Variants in RBMS3 observed in about 807,000 individuals in gnomAD.
RBMS3 encodes RNA-binding motif, single-stranded-interacting protein 3.
RBMS3 carries 27 observed loss-of-function variants against 66.8 expected under a neutral mutation model. The ratio of observed to expected loss-of-function variants is 0.40; its 90% CI spans 0.30 to 0.56. The LOEUF (loss-of-function observed/expected upper bound fraction) is 0.56. Among genes scored for constraint, RBMS3 ranks in the 20% least tolerant of loss-of-function variants. RBMS3 has a pLI of 0.40. For missense variants in RBMS3, 513 were observed against 549.5 expected (o/e 0.93, Z 0.66); for synonymous variants, 188 against 183.0 (o/e 1.03, Z -0.22).
chr3:29,709,920 A>G (rs758068532), intron 4 of RBMS3, among the ~76,000 whole-genome samples: 11 of 152,208 alleles, frequency 7.2e-5, no homozygotes, highest in Non-Finnish European at 1.5e-4. Context: ...ATTAAAAGGA[A>G]ATAGAGTAGA....
At chr3:29,982,378 A>G (rs1698055246) in intron 12 of RBMS3, among the ~76,000 whole-genome samples, 2 of 152,092 alleles carry the variant, frequency 1.3e-5, no homozygotes, top group African/African-American at 4.8e-5. Flanking sequence ...TCCTGGATTC[A>G]TTGATTTTTT....
At chr3:29,721,425 A>G (rs528790711) in intron 4 of RBMS3, among the ~76,000 whole-genome samples, 1 of 152,300 alleles carries the variant, frequency 6.6e-6, no homozygotes, top group African/African-American at 2.4e-5. Context: ...ATACTAGGGT[A>G]TAGCAACCTT....
chr3:29,942,625 G>A (rs1046451351), intron 11 of RBMS3, among the ~76,000 whole-genome samples: 1 of 151,796 alleles, frequency 6.6e-6, no homozygotes, highest in Non-Finnish European at 1.5e-5. Flanking sequence ...AGGCTAAAGA[G>A]AAATATAAAA....
chr3:29,530,100 G>C (rs1287791142), intron 3 of RBMS3, among the ~76,000 whole-genome samples: 1 of 152,104 alleles, frequency 6.6e-6, no homozygotes, highest in Non-Finnish European at 1.5e-5. Context: ...CTGGGAACTT[G>C]TTCTTACACC....
intron 4 of RBMS3, among the ~76,000 whole-genome samples, chr3:29,639,185 TA>T (rs1406879851): frequency 3.3e-5 from 5 of 151,830 alleles, no homozygotes; most frequent in Non-Finnish European, 7.4e-5. Flanking sequence ...CGATTTAACT[TA>T]ATCTCTTTCT....
At chr3:29,746,563 C>A (rs549480059) in intron 5 of RBMS3, among the ~76,000 whole-genome samples, 2 of 152,296 alleles carry the variant, frequency 1.3e-5, no homozygotes, top group South Asian at 2.1e-4. Flanking sequence ...GCAGCTTCTT[C>A]ATCTTTGTTC....
chr3:29,571,718 G>C (rs1286061616), intron 3 of RBMS3, among the ~76,000 whole-genome samples: 1 of 152,090 alleles, frequency 6.6e-6, no homozygotes, highest in African/African-American at 2.4e-5. Context: ...GATTTCTTCA[G>C]TTTAGTTCTT....
intron 6 of RBMS3, among the ~76,000 whole-genome samples, chr3:29,781,220 A>G (rs2056622161): frequency 7.1e-6 from 1 of 140,944 alleles, no homozygotes; most frequent in Non-Finnish European, 1.5e-5. Flanking sequence ...CCCACCCTTA[A>G]TCATTGGAAA....
At chr3:29,397,804 C>T (rs1029295421) in intron 1 of RBMS3, among the ~76,000 whole-genome samples, 1 of 152,126 alleles carries the variant, frequency 6.6e-6, no homozygotes, top group African/African-American at 2.4e-5. Flanking sequence ...CTGCCTCAGC[C>T]TCCCGAGCAG....
chr3:29,983,850 C>A (rs773697647), intron 12 of RBMS3, among the ~76,000 whole-genome samples: 1 of 152,046 alleles, frequency 6.6e-6, no homozygotes, highest in Non-Finnish European at 1.5e-5. Flanking sequence ...AACATTTTTT[C>A]TTTCATTTCA....
chr3:29,286,640 G>T (rs1229213851), intron 1 of RBMS3, among the ~76,000 whole-genome samples: 1 of 152,002 alleles, frequency 6.6e-6, no homozygotes, highest in Non-Finnish European at 1.5e-5. Flanking sequence ...GGGATAATTT[G>T]CAGGGAGGGA....
chr3:29,610,248 A>G (rs930801526), intron 4 of RBMS3, among the ~76,000 whole-genome samples: 2 of 152,078 alleles, frequency 1.3e-5, no homozygotes, highest in Non-Finnish European at 2.9e-5. Context: ...TTAATGTACA[A>G]ACATCAGCTA....
At chr3:29,676,502 T>G (rs992119338) in intron 4 of RBMS3, among the ~76,000 whole-genome samples, 7 of 152,250 alleles carry the variant, frequency 4.6e-5, no homozygotes, top group Non-Finnish European at 1.0e-4. Flanking sequence ...CAAATTCAAT[T>G]ATTCATATTA....
chr3:29,797,658 T>C (rs969064898), intron 6 of RBMS3: 1 of 152,212 alleles, frequency 6.6e-6, no homozygotes, highest in African/African-American at 2.4e-5. Context: ...GGCTAATATT[T>C]GCTAGAGGGA....
chr3:29,744,779 G>A (rs1380089216), intron 5 of RBMS3, among the ~76,000 whole-genome samples: 5 of 117,040 alleles, frequency 4.3e-5, no homozygotes, highest in Admixed American at 8.4e-5. Context: ...GTAAGACTCC[G>A]TCTCGGAAAA....
chr3:29,428,262 G>A (rs2041039845), intron 1 of RBMS3, among the ~76,000 whole-genome samples: 1 of 152,110 alleles, frequency 6.6e-6, no homozygotes, highest in South Asian at 2.1e-4. Flanking sequence ...GATATTTTTG[G>A]TTGTCACAAC....
rs541556183 is a variant in RBMS3 at position 29,769,726 on chromosome 3, T to C, written c.637+6737T>C. 7.2e-5 allele frequency among the ~76,000 whole-genome samples: 11 copies of C among 152,034 alleles called. No homozygotes were observed. In the South Asian group the frequency reaches 2.3e-3, roughly 31 times the overall value. On this transcript the variant is annotated intron_variant, in intron 6 of 14. Transcript: ENST00000383767. Reference sequence around the variant, plus strand: ...CTGTACATTCTCACTAAATACTCTTTGGAGTTGTATAGTTTCATGAATTAA... The same window carrying C: ...CTGTACATTCTCACTAAATACTCTTCGGAGTTGTATAGTTTCATGAATTAA...
In RBMS3 at chr3:29,835,726, C is replaced by T. The variant is rs192579712; in HGVS notation, c.638-33132C>T. Among the ~76,000 whole-genome samples the T allele has an allele frequency of 3.4e-3, 518 of 151,592 alleles. 1 individual carries two copies. Among genetic ancestry groups the T allele is most frequent in the Non-Finnish European group, 5.3e-3 (362 of 67,708 alleles). On this transcript the variant is annotated intron_variant, in intron 6 of 14. Coordinates refer to ENST00000383767, the MANE Select transcript of RBMS3 (RefSeq NM_001003793.3). ...ACTTTACATTTCAATGAACTAGAAA[C>T]ATAACAAACTAAGCCCAAATTTAGC... is the stretch of plus-strand genomic sequence containing the variant.
rs2060218567 is a variant in RBMS3 at position 29,900,100 on chromosome 3, C to A, written c.939+345C>A. Among the ~76,000 whole-genome samples, 5 of 151,842 alleles carry A rather than the reference C, an allele frequency of 3.3e-5. No individual in the cohort carries two copies. In the South Asian group the frequency reaches 1.0e-3, roughly 31 times the overall value. On this transcript the variant is annotated intron_variant, in intron 10 of 14. Transcript: ENST00000383767. Reference sequence around the variant, plus strand: ...GAGGAATTTCTGCTTTATGCAGGAACTCAGAACTCCGGACAATTAAATTTA... The same window carrying A: ...GAGGAATTTCTGCTTTATGCAGGAAATCAGAACTCCGGACAATTAAATTTA...
Sources: allele counts gnomAD v4.1 joint callset (sites outside exome capture counted in the v4.1 genomes callset), GRCh38; gene constraint gnomAD v4.1.1; transcripts MANE v1.5; gene names NCBI Gene and HGNC (gene_info 2026-07-23, HGNC 2026-07-21).